Variants in GP6 observed in about 807,000 individuals in gnomAD.
The protein encoded by GP6 is platelet glycoprotein VI.
A neutral mutation model predicts 37.3 loss-of-function variants in GP6; 45 were observed. The observed-to-expected ratio is 1.21, with a 90% CI of 0.95 to 1.55. The LOEUF (loss-of-function observed/expected upper bound fraction) is 1.55. GP6 is among the 40% of genes most tolerant of loss of function. GP6 has a pLI of 0.00. For synonymous variants in GP6, 340 were observed against 316.4 expected, an observed-to-expected ratio of 1.07 and a Z score of -0.79; for missense variants, 813 against 760.2, an observed-to-expected ratio of 1.07 and a Z score of -0.82.
At chr19:55,018,348 A>G (rs1266084174) in intron 6 of GP6, among the ~76,000 whole-genome samples, 1 of 152,214 alleles carries the variant, frequency 6.6e-6, no homozygotes, top group African/African-American at 2.4e-5. Flanking sequence ...GAGATTAAAT[A>G]CCTGGATCAC....
intron 4 of GP6, among the ~76,000 whole-genome samples, chr19:55,026,125 G>A (rs1002652316): frequency 2.0e-5 from 3 of 152,070 alleles, no homozygotes; most frequent in Admixed American, 6.6e-5. Flanking sequence ...ATTTCTTCTG[G>A]ATTCCTGTGT....
At chr19:55,029,333 TA>T (rs2074436785) in intron 3 of GP6, among the ~76,000 whole-genome samples, 3 of 13,908 alleles carry the variant, frequency 2.2e-4, no homozygotes, top group Admixed American at 1.7e-3. Context: ...TATATATATA[TA>T]TATATATATA....
chr19:55,014,614 G>A lies in GP6; in HGVS notation c.1331C>T (p.Ser444Leu). The A allele has an allele frequency of 6.2e-7, 1 of 1,614,080 alleles. No individual in the cohort carries two copies. The highest frequency in any genetic ancestry group is 8.5e-7 in the Non-Finnish European group (1 of 1,179,978). ...GTCTGGAGCCCATATTAGAGAGGTT[G>A]AAGAAAGAGGCCAGTATGTGGTCCA... The change falls in exon 8 of 8, where the codon TCA (serine) becomes TTA (leucine). Residue 444 changes from serine to leucine, a missense_variant. By Grantham distance (145) the Ser-to-Leu change is moderately radical (BLOSUM62 -2). Coordinates refer to ENST00000310373, the MANE Select transcript of GP6 (RefSeq NM_001083899.2).
intron 3 of GP6, 34 bp from the exon 4 acceptor site, chr19:55,027,896 G>A: frequency 1.9e-6 from 3 of 1,611,300 alleles, no homozygotes; most frequent in Non-Finnish European, 2.5e-6. Flanking sequence ...GTTGAAGGCA[G>A]GAGCCAGCAT....
chr19:55,032,521 C>G lies in GP6; in HGVS notation c.52G>C (p.Val18Leu). The stretch of plus-strand genomic sequence containing the variant: ...AAGGACTCACCACTCTGCGCTGGCA[C>G]ACGCCCCAGACACAGCCCTGAGGAA... Residue 18 changes from valine (V) to leucine (L), a missense_variant, in exon 2 of 8, where the codon GTG becomes CTG. Coordinates refer to ENST00000310373, the MANE Select transcript of GP6 (RefSeq NM_001083899.2). The G allele has an allele frequency of 6.2e-7, 1 of 1,613,864 alleles. No homozygotes were observed. Among genetic ancestry groups the G allele is most frequent in the Non-Finnish European group, 8.5e-7 (1 of 1,180,004 alleles).
intron 5 of GP6, among the ~76,000 whole-genome samples, chr19:55,024,872 AGGTTTGTT>A (rs1482238185): frequency 8.5e-5 from 11 of 128,724 alleles, no homozygotes; most frequent in Non-Finnish European, 1.7e-4. Context: ...CGGACTCTAC[AGGTTTGTT>A]GGTTGGTTGG....
At chr19:55,022,543 C>T (rs2074122772) in intron 5 of GP6, among the ~76,000 whole-genome samples, 1 of 152,166 alleles carries the variant, frequency 6.6e-6, no homozygotes. Context: ...AAAGGATACT[C>T]AAATAGGAAG....
At chr19:55,026,623 G>C (rs1281975311) in intron 4 of GP6, among the ~76,000 whole-genome samples, 1 of 152,112 alleles carries the variant, frequency 6.6e-6, no homozygotes, top group East Asian at 1.9e-4. Flanking sequence ...CGACGCGGTG[G>C]CTCACGCCTG....
intron 3 of GP6, among the ~76,000 whole-genome samples, chr19:55,030,629 C>T (rs561947034): frequency 4.6e-5 from 7 of 151,734 alleles, no homozygotes; most frequent in East Asian, 3.9e-4. Flanking sequence ...AGGCGTGAGC[C>T]GCCGCGCCCG....
At chr19:55,018,463 C>A (rs554280781) in intron 6 of GP6, among the ~76,000 whole-genome samples, 189 bp downstream of exon 6, 5 of 152,368 alleles carry the variant, frequency 3.3e-5, no homozygotes, top group African/African-American at 1.2e-4. Context: ...CCCCATCACC[C>A]AAAACGCTCC....
At chr19:55,027,519 A>C (rs2146817831) in intron 4 of GP6, 59 bp downstream of exon 4, 1 of 1,379,790 alleles carries the variant, frequency 7.2e-7, no homozygotes, top group African/African-American at 1.4e-5. Flanking sequence ...CCTCCCTTGG[A>C]ATGGCCATCA....
intron 6 of GP6, among the ~76,000 whole-genome samples, chr19:55,018,395 A>G (rs2073952434): frequency 6.6e-6 from 1 of 152,240 alleles, no homozygotes; most frequent in African/African-American, 2.4e-5. Context: ...TCCTGGGAGC[A>G]GTGCGTAGGG....
chr19:55,038,261 CTG>C lies in GP6; in HGVS notation c.-27_-26del. 6.3e-7 allele frequency: 1 copy of C among 1,575,946 alleles called. No homozygotes were observed. Among genetic ancestry groups the C allele is most frequent in the African/African-American group, 1.3e-5 (1 of 74,550 alleles). ...TGGTTCCTCAGCCCTGTCCTGAGCT[CTG>C]TGGCCAGGGAGGGAAGTGGTGGGAG... On this transcript the variant is annotated 5_prime_UTR_variant, in exon 1 of 8. Transcript: ENST00000310373.
chr19:55,034,150 ATGTGTGTG>A (rs61435060), intron 1 of GP6, among the ~76,000 whole-genome samples: 1,927 of 149,254 alleles, frequency 0.013, 39 homozygotes, highest in African/African-American at 0.041. Context: ...ATATGTATGC[ATGTGTGTG>A]TGTGTGTGTG....
At chr19:55,025,066 T>C in intron 5 of GP6, 152 bp downstream of exon 5, 1 of 698,650 alleles carries the variant, frequency 1.4e-6, no homozygotes, top group East Asian at 2.7e-5. Context: ...ACACCCACCC[T>C]GTTTACAGGC....
At chr19:55,022,926 C>T (rs1399730838) in intron 5 of GP6, among the ~76,000 whole-genome samples, 2 of 152,110 alleles carry the variant, frequency 1.3e-5, no homozygotes, top group African/African-American at 4.8e-5. Context: ...TGAAAATGGC[C>T]ATACTGCCCA....
At chr19:55,026,758 C>A (rs1273366876) in intron 4 of GP6, among the ~76,000 whole-genome samples, 6 of 152,024 alleles carry the variant, frequency 3.9e-5, no homozygotes, top group Admixed American at 3.9e-4. Flanking sequence ...TGGTGGCAGG[C>A]ACCTGTAATT....
chr19:55,024,362 ATATG>A (rs2074223773), intron 5 of GP6, among the ~76,000 whole-genome samples: 20 of 19,312 alleles, frequency 1.0e-3, no homozygotes, highest in Non-Finnish European at 2.8e-3. Context: ...GCACACACAC[ATATG>A]CACGCACACA....
At chr19:55,023,933 T>C (rs2074172181) in intron 5 of GP6, among the ~76,000 whole-genome samples, 1 of 141,132 alleles carries the variant, frequency 7.1e-6, no homozygotes, top group Admixed American at 7.7e-5. Context: ...GAGTTAGGGA[T>C]GGCAAGGGAA....
Sources: gnomAD v4.1 joint callset for allele counts (sites outside exome capture counted in the v4.1 genomes callset) on GRCh38, gnomAD v4.1.1 for gene constraint, MANE v1.5 for transcripts, NCBI Gene and HGNC (gene_info 2026-07-23, HGNC 2026-07-21) for gene names.